Variants in KIF5C observed in about 807,000 individuals in gnomAD.
KIF5C encodes the protein kinesin heavy chain isoform 5C.
In KIF5C, 18 loss-of-function variants were observed where a neutral mutation model predicts 125.2. The observed-to-expected ratio is 0.14, with a 90% CI of 0.10 to 0.21. The LOEUF is 0.21. KIF5C is among the 10% of genes least tolerant of loss of function. KIF5C has a pLI of 1.00. For missense variants in KIF5C, 780 were observed against 1,183.8 expected, an observed-to-expected ratio of 0.66 and a Z score of 5.01; for synonymous variants, 405 against 434.0, an observed-to-expected ratio of 0.93 and a Z score of 0.83.
intron 19 of KIF5C, chr2:148,998,865 G>GA (rs11437473): frequency 0.74 from 101,817 of 138,290 alleles, 37,719 homozygotes; most frequent in African/African-American, 0.86. Context: ...GAAAAGAAAA[G>GA]AAAAAAAAAA....
intron 10 of KIF5C, among the ~76,000 whole-genome samples, chr2:148,957,294 A>G (rs931619367): frequency 6.6e-6 from 1 of 152,162 alleles, no homozygotes; most frequent in East Asian, 1.9e-4. Context: ...CATTGATGGC[A>G]ACTAGCTAGA....
rs1313735572 is a variant in KIF5C at position 148,973,520 on chromosome 2, C to A, written c.1293+9C>A. 1 of 1,599,124 alleles carries A rather than the reference C, an allele frequency of 6.3e-7. No individual in the cohort carries two copies. Among genetic ancestry groups the A allele is most frequent in the South Asian group, 1.1e-5 (1 of 87,766 alleles). On this transcript the variant is annotated intron_variant, in intron 12 of 25. Coordinates refer to ENST00000435030, the MANE Select transcript of KIF5C (RefSeq NM_004522.3). ...GACAACTGGATGACAAGGTCTGTGG[C>A]CAGAGATTCATAGTTCTCATTCTGC...
At position 149,000,447 on chromosome 2, in the gene KIF5C, A is replaced by T. The variant is rs1437349282; in HGVS notation, c.2235A>T (p.Glu745Asp). The T allele has an allele frequency of 6.3e-7, 1 of 1,586,284 alleles. No individual in the cohort carries two copies. The highest frequency in any genetic ancestry group is 2.3e-5 in the East Asian group (1 of 44,106). The change falls in exon 20 of 26, where the codon GAA becomes GAT. Residue 745 changes from glutamate to aspartate, a missense_variant. Physicochemically the swap from Glu to Asp is conservative, Grantham distance 45. Around this residue, in one of 2 missense-constraint regions of KIF5C, gnomAD observed 573 missense variants for 742.6 expected, o/e 0.77. Transcript: ENST00000435030. ...IRDLNQKLQL[E>D]QEKLSSDYNK... ...GTTTGAATCAGAAACTGCAACTGGAACAGGAGAAGCTTAGTTCTGATTATA... is the reference window on the plus strand; with the variant it reads ...GTTTGAATCAGAAACTGCAACTGGATCAGGAGAAGCTTAGTTCTGATTATA...
In KIF5C at chr2:148,959,873, G is replaced by A. The variant is rs534666800; in HGVS notation, c.969-2098G>A. The stretch of plus-strand genomic sequence containing the variant: ...CCTGCCAGATCATTTTGGGTTGGCT[G>A]TGTCCCTACCAATGGCTGTGACAAT... On this transcript the variant is annotated intron_variant, in intron 10 of 25. Transcript: ENST00000435030. Among the ~76,000 whole-genome samples, 16 of 152,308 alleles carry A rather than the reference G, an allele frequency of 1.1e-4. No individual in the cohort carries two copies. In the South Asian group the frequency reaches 2.9e-3, roughly 28 times the overall value.
chr2:148,952,437 T>G (rs1482829863), intron 10 of KIF5C, among the ~76,000 whole-genome samples: 1 of 152,182 alleles, frequency 6.6e-6, no homozygotes, highest in Non-Finnish European at 1.5e-5. Flanking sequence ...TAGTGTCTAA[T>G]ATATGTCAGG....
intron 9 of KIF5C, 129 bp from the exon 10 acceptor site, chr2:148,950,185 C>T: frequency 6.9e-7 from 1 of 1,444,446 alleles, no homozygotes; most frequent in South Asian, 1.4e-5. Context: ...TGGCAAGATC[C>T]AAAGACCCAG....
intron 1 of KIF5C, among the ~76,000 whole-genome samples, chr2:148,892,334 C>T (rs548678233): frequency 6.6e-6 from 1 of 152,290 alleles, no homozygotes; most frequent in South Asian, 2.1e-4. Flanking sequence ...TCATTCTCTG[C>T]CTCTTGGAGG....
intron 11 of KIF5C, among the ~76,000 whole-genome samples, chr2:148,963,084 G>A (rs1467595446): frequency 6.6e-6 from 1 of 152,144 alleles, no homozygotes; most frequent in Non-Finnish European, 1.5e-5. Context: ...GTGTTAAGAG[G>A]GGTTTCCAGA....
chr2:148,949,685 G>A (rs112928264), intron 8 of KIF5C, among the ~76,000 whole-genome samples, 154 bp from the exon 9 acceptor site: 5 of 152,156 alleles, frequency 3.3e-5, no homozygotes, highest in African/African-American at 9.7e-5. Flanking sequence ...CCTCATACAC[G>A]AAGGATGGTT....
At chr2:148,920,983 C>A (rs758401123) in intron 1 of KIF5C, among the ~76,000 whole-genome samples, 9 of 152,090 alleles carry the variant, frequency 5.9e-5, no homozygotes, top group Non-Finnish European at 8.8e-5. Flanking sequence ...TGAGTGAGTC[C>A]GGCTGTGGAA....
intron 17 of KIF5C, 44 bp downstream of exon 17, chr2:148,994,582 G>A: frequency 6.5e-7 from 1 of 1,540,340 alleles, no homozygotes; most frequent in Admixed American, 2.0e-5. Flanking sequence ...CCTGGCCTGA[G>A]TCAGACAGCC....
chr2:148,887,402 T>C lies in KIF5C; in HGVS notation c.126+11659T>C, dbSNP rs371255965. Among the ~76,000 whole-genome samples the C allele has an allele frequency of 5.9e-5, 9 of 152,230 alleles. No homozygotes were observed. In the South Asian group the frequency reaches 1.7e-3, roughly 28 times the overall value. On this transcript the variant is annotated intron_variant, in intron 1 of 25. Transcript: ENST00000435030. Reference sequence around the variant, plus strand: ...CCTTTATTTCAGTTTCACTTTGATATATGGAGAGTCTATTGTGTGCTAAGC... The same window carrying C: ...CCTTTATTTCAGTTTCACTTTGATACATGGAGAGTCTATTGTGTGCTAAGC...
At chr2:148,952,004 C>G (rs1306224109) in intron 10 of KIF5C, among the ~76,000 whole-genome samples, 1 of 152,046 alleles carries the variant, frequency 6.6e-6, no homozygotes, top group African/African-American at 2.4e-5. Flanking sequence ...TGTTGTAGAC[C>G]TAATATATCT....
At chr2:148,979,119 T>G in intron 13 of KIF5C, 129 bp downstream of exon 13, 1 of 1,238,738 alleles carries the variant, frequency 8.1e-7, no homozygotes, top group Non-Finnish European at 1.0e-6. Context: ...AATTTCTTGG[T>G]AGATGTCCCT....
chr2:148,926,746 A>C (rs1033042234), intron 2 of KIF5C, among the ~76,000 whole-genome samples: 5 of 152,218 alleles, frequency 3.3e-5, no homozygotes, highest in African/African-American at 4.8e-5. Flanking sequence ...TTTCGAAGAA[A>C]ATAGAGAACA....
Position 149,011,888 on chromosome 2 carries a change from G to A in KIF5C, c.*7+205G>A, listed in dbSNP as rs78125383. On this transcript the variant is annotated intron_variant, in intron 25 of 25. Coordinates refer to ENST00000435030, the MANE Select transcript of KIF5C (RefSeq NM_004522.3). ...GGTCTTCTAGCTGAGGCTGTCTGGG[G>A]CCCATGGGACCTGGAGCCAGGCCCG... Among the ~76,000 whole-genome samples, 742 of 152,304 alleles carry A rather than the reference G, an allele frequency of 4.9e-3. 9 individuals carry two copies. Among genetic ancestry groups the A allele is most frequent in the African/African-American group, 0.017 (713 of 41,562 alleles).
At chr2:148,993,389 G>A (rs1282828133) in intron 16 of KIF5C, among the ~76,000 whole-genome samples, 3 of 152,188 alleles carry the variant, frequency 2.0e-5, no homozygotes, top group African/African-American at 7.2e-5. Context: ...TCCATTAGGT[G>A]GAGGTTTGCA....
At chr2:148,882,658 C>T (rs148429289) in intron 1 of KIF5C, among the ~76,000 whole-genome samples, 1 of 152,308 alleles carries the variant, frequency 6.6e-6, no homozygotes, top group Non-Finnish European at 1.5e-5. Flanking sequence ...AGCTCACCTG[C>T]ATGGCCTGTG....
At chr2:149,021,202 A>G (rs1682524609) in intron 25 of KIF5C, among the ~76,000 whole-genome samples, 1 of 152,100 alleles carries the variant, frequency 6.6e-6, no homozygotes, top group Non-Finnish European at 1.5e-5. Flanking sequence ...AGCTGGGACT[A>G]CACATACAAG....
Sources: gnomAD v4.1 joint callset for allele counts (sites outside exome capture counted in the v4.1 genomes callset) on GRCh38, gnomAD v4.1.1 for gene constraint, gnomAD v4.1.1 regional missense constraint, MANE v1.5 for transcripts, NCBI Gene and HGNC (gene_info 2026-07-23, HGNC 2026-07-21) for gene names.